The following CAPN12 variants were observed in gnomAD, a reference collection of about 807,000 sequenced individuals.
CAPN12 encodes the protein calpain-12.
Under a neutral mutation model 95.0 loss-of-function variants are expected in CAPN12, and 107 were observed. The ratio of observed to expected loss-of-function variants is 1.13; its 90% CI spans 0.96 to 1.32. The LOEUF is 1.32. Among genes scored for constraint, CAPN12 ranks in the 40% most tolerant of loss-of-function variants. CAPN12 has a pLI of 0.00. For missense variants in CAPN12, 1,136 were observed against 997.8 expected (o/e 1.14, Z -1.87); for synonymous variants, 505 against 415.5 (o/e 1.22, Z -2.62).
Position 38,743,122 on chromosome 19 carries a change from C to T in CAPN12, c.238-20G>A. 1.2e-6 allele frequency: 2 copies of T among 1,613,944 alleles called. No individual in the cohort carries two copies. Among genetic ancestry groups the T allele is most frequent in the Non-Finnish European group, 1.7e-6 (2 of 1,179,882 alleles). On this transcript the variant is annotated intron_variant, in intron 1 of 20. Transcript: ENST00000328867. ...GAACTCCTGTGGGTGGTGGGGGATT[C>T]CAGGCCTCAGCCTGAGAAAGCGAGG... is the stretch of plus-strand genomic sequence containing the variant.
rs980190165 is a variant in CAPN12, at chr19:38,736,398, C to T, written c.1375-80G>A. ...CGCACCCTCCAGCGCGCCCCGTCCA[C>T]CCTGCCTAACCCCTGTCCACGCCTC... On this transcript the variant is annotated intron_variant, in intron 11 of 20. Transcript: ENST00000328867. 128 of 1,495,294 alleles carry T rather than the reference C, an allele frequency of 8.6e-5. 1 individual carries two copies. Among genetic ancestry groups the T allele is most frequent in the East Asian group, 5.1e-5 (2 of 39,496 alleles). 92.6% of individuals were successfully genotyped at this position (1,495,294 alleles called of 1,614,324 possible).
At chr19:38,734,791 G>A (rs781341809) in intron 15 of CAPN12, 22 bp downstream of exon 15, 6 of 1,610,198 alleles carry the variant, frequency 3.7e-6, no homozygotes, top group African/African-American at 1.3e-5. Context: ...CCCTCCTCCT[G>A]CCCCTATCCC....
At chr19:38,741,586 GAA>G (rs74176460) in intron 4 of CAPN12, among the ~76,000 whole-genome samples, 189 bp downstream of exon 4, 5 of 132,318 alleles carry the variant, frequency 3.8e-5, no homozygotes, top group African/African-American at 1.4e-4. Context: ...CAAAAAAAAA[GAA>G]AAAAAAAAAA....
In CAPN12 at chr19:38,731,146, G is replaced by C; in HGVS notation, c.2035C>G (p.Arg679Gly). 6.2e-7 allele frequency: 1 copy of C among 1,612,936 alleles called. No homozygotes were observed. The highest frequency in any genetic ancestry group is 8.5e-7 in the Non-Finnish European group (1 of 1,179,918). Residue 679 changes from arginine (R) to glycine (G), a missense_variant, in exon 19 of 21, where the codon CGG (arginine) becomes GGG (glycine). By Grantham distance (125) the Arg-to-Gly change is moderately radical (BLOSUM62 -2). Coordinates refer to ENST00000328867, the MANE Select transcript of CAPN12 (RefSeq NM_144691.4). Reference sequence around the variant, plus strand: ...AGGTGGGCCACACAGGACACGAACCGCTCGAAGTCCACACGCAGACGGCTA... The same window carrying C: ...AGGTGGGCCACACAGGACACGAACCCCTCGAAGTCCACACGCAGACGGCTA... ...RDSRLRVDFERFVSCVAHLTC... is the reference protein window; with the variant it reads ...RDSRLRVDFEGFVSCVAHLTC...
In CAPN12 at chr19:38,734,210, T is replaced by C; in HGVS notation, c.1816-6A>G. 6.2e-7 allele frequency: 1 copy of C among 1,612,842 alleles called. No homozygotes were observed. The highest frequency in any genetic ancestry group is 8.5e-7 in the Non-Finnish European group (1 of 1,179,846). On this transcript the variant is annotated splice_region_variant and splice_polypyrimidine_tract_variant and intron_variant, in intron 16 of 20. Transcript: ENST00000328867. The stretch of plus-strand genomic sequence containing the variant: ...AAGGCCAGGCTTTGCCCATGCTGTG[T>C]TGGGGGTCGGGGGCATCTGGTTAAG...
chr19:38,731,439 G>C, intron 18 of CAPN12: 1 of 591,966 alleles, frequency 1.7e-6, no homozygotes, highest in Admixed American at 2.8e-5. Flanking sequence ...ACCCCATAGG[G>C]TGTGTGAAGA....
In CAPN12 at chr19:38,744,300, G is replaced by C; in HGVS notation, c.-135C>G. ...CTTCCCTCGTTAATATTAATTGATG[G>C]TTTGGGGTGCTGGGGAGCAGGGACG... On this transcript the variant is annotated 5_prime_UTR_variant, in exon 1 of 21. Coordinates refer to ENST00000328867, the MANE Select transcript of CAPN12 (RefSeq NM_144691.4). The C allele has an allele frequency of 2.4e-6, 2 of 849,844 alleles. No individual in the cohort carries two copies. The highest frequency in any genetic ancestry group is 4.2e-5 in the Admixed American group (2 of 47,142). 52.6% of individuals were successfully genotyped at this position (849,844 alleles called of 1,614,324 possible). A position where few individuals can be genotyped will look rare whatever the true frequency, so the allele number is the denominator to read the frequency against.
intron 12 of CAPN12, 77 bp downstream of exon 12, chr19:38,736,032 CG>C: frequency 1.3e-6 from 1 of 745,770 alleles, no homozygotes; most frequent in South Asian, 2.6e-5. Flanking sequence ...TCGGGGGTCT[CG>C]GGGGTCTCGG....
At chr19:38,734,043 C>T (rs959630543) in intron 17 of CAPN12, 99 bp downstream of exon 17, 4 of 1,320,430 alleles carry the variant, frequency 3.0e-6, no homozygotes, top group East Asian at 4.9e-5. Flanking sequence ...AGTCCAGTAC[C>T]CCCTCGTTCC....
chr19:38,736,307 G>A lies in CAPN12; in HGVS notation c.1386C>T (p.Leu462=), dbSNP rs1970143011. The change falls in exon 12 of 21, where the codon CTC becomes CTT. Residue 462 remains leucine (L), a synonymous_variant. Transcript: ENST00000328867. ...VFQIPEELLG[L]WDSPRSHALL... ...GCGCATGGCTGCGCGGGGAATCCCA[G>A]AGGCCCAGCAGCTGGGGACGGGGCG... 1 of 1,443,022 alleles carries A rather than the reference G, an allele frequency of 6.9e-7. No homozygotes were observed. Among genetic ancestry groups the A allele is most frequent in the Non-Finnish European group, 9.1e-7 (1 of 1,102,746 alleles). The allele number at this position is 1,443,022 out of a possible 1,614,324, so 89.4% of individuals were successfully genotyped here.
At position 38,736,579 on chromosome 19, in the gene CAPN12, GCA is replaced by G; in HGVS notation, c.1363-18_1363-17del. 6.2e-7 allele frequency: 1 copy of G among 1,604,696 alleles called. No homozygotes were observed. The highest frequency in any genetic ancestry group is 8.5e-7 in the Non-Finnish European group (1 of 1,176,402). On this transcript the variant is annotated splice_polypyrimidine_tract_variant and intron_variant, in intron 10 of 20. Coordinates refer to ENST00000328867, the MANE Select transcript of CAPN12 (RefSeq NM_144691.4). ...CCTCTGGAATCTGAAAGAAGCAAGA[GCA>G]AGGGGCGTCGGGGCAGGGGAGAGGT...
In CAPN12 at chr19:38,742,593, C is replaced by A. The variant is rs886697543; in HGVS notation, c.308-65G>T. The A allele has an allele frequency of 3.5e-6, 4 of 1,157,294 alleles. No individual in the cohort carries two copies. The African/African-American group carries it at 6.2e-5, about 18-fold the overall frequency. The allele number at this position is 1,157,294 out of a possible 1,614,324, so 71.7% of individuals were successfully genotyped here. A position where few individuals can be genotyped will look rare whatever the true frequency, so the allele number is the denominator to read the frequency against. On this transcript the variant is annotated intron_variant, in intron 2 of 20. Transcript: ENST00000328867. ...GGAGGCCTGGTGCGGTGGCTCATGCCTCTAATCCCAGCACTTTGGGAGGCC... is the reference window on the plus strand; with the variant it reads ...GGAGGCCTGGTGCGGTGGCTCATGCATCTAATCCCAGCACTTTGGGAGGCC...
intron 5 of CAPN12, chr19:38,739,448 CAAAAA>C (rs34076220): frequency 5.9e-5 from 3 of 50,992 alleles, no homozygotes; most frequent in African/African-American, 8.2e-5. Context: ...GATTCCGTCT[CAAAAA>C]AAAAAAAAAA....
rs771902108 is a variant in CAPN12 at position 38,737,547 on chromosome 19, C to T, written c.1057G>A (p.Gly353Ser). ...EVLGPSPEGG[G>S]WHVHTFQGRW... ...CCTTGGAAGGTGTGGACGTGCCAGC[C>T]GCCCCCCTCCGGGCTGGGGCCCAGC... Residue 353 changes from glycine (G) to serine (S), a missense_variant, in exon 9 of 21, where the codon GGC becomes AGC. Gly to Ser is a moderately conservative substitution (Grantham distance 56). Coordinates refer to ENST00000328867, the MANE Select transcript of CAPN12 (RefSeq NM_144691.4). 43 of 1,612,346 alleles carry T rather than the reference C, an allele frequency of 2.7e-5. No homozygotes were observed. The highest frequency in any genetic ancestry group is 3.1e-5 in the Non-Finnish European group (36 of 1,179,842).
In CAPN12 at chr19:38,736,231, C is replaced by T; in HGVS notation, c.1462G>A (p.Asp488Asn). ...ADRSPLSARRDVTRRCCLRPG... is the reference protein window; with the variant it reads ...ADRSPLSARRNVTRRCCLRPG... ...CGCAGGCAGCAGCGGCGGGTCACGTCGCGGCGGGCGCTGAGGGGCGAGCGG... is the reference window on the plus strand; with the variant it reads ...CGCAGGCAGCAGCGGCGGGTCACGTTGCGGCGGGCGCTGAGGGGCGAGCGG... The change falls in exon 12 of 21, where the codon GAC (aspartate) becomes AAC (asparagine). Residue 488 changes from aspartate (D) to asparagine (N), a missense_variant. Physicochemically the swap from Asp to Asn is conservative, Grantham distance 23. Transcript: ENST00000328867. 3 of 1,493,442 alleles carry T rather than the reference C, an allele frequency of 2.0e-6. No individual in the cohort carries two copies. The highest frequency in any genetic ancestry group is 2.7e-6 in the Non-Finnish European group (3 of 1,127,802). The allele number at this position is 1,493,442 out of a possible 1,614,324, so 92.5% of individuals were successfully genotyped here.
At chr19:38,738,896 T>A (rs946630467) in intron 5 of CAPN12, 2 of 540,356 alleles carry the variant, frequency 3.7e-6, no homozygotes, top group Admixed American at 3.3e-5. Flanking sequence ...CTTAGGGAGG[T>A]CGAGGTGGAA....
chr19:38,744,059 C>T lies in CAPN12; in HGVS notation c.107G>A (p.Arg36Gln), dbSNP rs151327987. The change falls in exon 1 of 21, where the codon CGG becomes CAG. Residue 36 changes from arginine to glutamine, a missense_variant. Transcript: ENST00000328867. ...GATCCCCGAATCCAGGCAGGCTGCC[C>T]GAATTGCCTCATAGCTCTGGCCCCG... ...LFRGQSYEAIRAACLDSGILF... is the reference protein window; with the variant it reads ...LFRGQSYEAIQAACLDSGILF... The T allele has an allele frequency of 1.2e-5, 20 of 1,614,088 alleles. No individual in the cohort carries two copies. The highest frequency in any genetic ancestry group is 1.1e-4 in the East Asian group (5 of 44,896).
At chr19:38,738,201 T>C in intron 8 of CAPN12, 72 bp downstream of exon 8, 1 of 1,502,402 alleles carries the variant, frequency 6.7e-7, no homozygotes, top group South Asian at 1.1e-5. Flanking sequence ...ATCCTTCAAC[T>C]GGGGCTCGCC....
intron 15 of CAPN12, 163 bp from the exon 16 acceptor site, chr19:38,734,552 T>C (rs1969877791): frequency 1.4e-6 from 1 of 702,388 alleles, no homozygotes; most frequent in Non-Finnish European, 2.3e-6. Flanking sequence ...AGAGCTGGGA[T>C]TCAAATCCAG....
Sources: allele counts gnomAD v4.1 joint callset (sites outside exome capture counted in the v4.1 genomes callset), GRCh38; gene constraint gnomAD v4.1.1; transcripts MANE v1.5; gene names NCBI Gene and HGNC (gene_info 2026-07-23, HGNC 2026-07-21).